Variants in CTNND2 observed in about 807,000 individuals in gnomAD.
CTNND2 encodes the protein catenin delta-2.
In CTNND2, 22 loss-of-function variants were observed where a neutral mutation model predicts 144.4. That is an observed-to-expected ratio of 0.15 (90% CI 0.11 to 0.22). CTNND2 has a LOEUF of 0.22. CTNND2 is among the 10% of genes least tolerant of loss of function. CTNND2 has a pLI of 1.00. For synonymous variants in CTNND2, 751 were observed against 695.6 expected (o/e 1.08, Z -1.25); for missense variants, 1,353 against 1,618.8 (o/e 0.84, Z 2.82).
intron 2 of CTNND2, among the ~76,000 whole-genome samples, chr5:11,652,210 G>A (rs181007650): frequency 7.9e-5 from 12 of 152,268 alleles, no homozygotes; most frequent in South Asian, 4.1e-4. Flanking sequence ...GAGTTATCAC[G>A]AGATCTGGTT....
chr5:11,198,953 C>T (rs1264791693), intron 11 of CTNND2, among the ~76,000 whole-genome samples: 1 of 152,182 alleles, frequency 6.6e-6, no homozygotes, highest in African/African-American at 2.4e-5. Flanking sequence ...CATGAAAAAG[C>T]TTTAATGTTC....
At chr5:11,879,914 G>A (rs975557225) in intron 1 of CTNND2, among the ~76,000 whole-genome samples, 3 of 152,118 alleles carry the variant, frequency 2.0e-5, no homozygotes, top group East Asian at 1.9e-4. Flanking sequence ...TCGGCCTGAC[G>A]AAATAGGGAC....
intron 3 of CTNND2, among the ~76,000 whole-genome samples, chr5:11,534,527 C>A (rs925988473): frequency 4.6e-5 from 7 of 151,830 alleles, no homozygotes; most frequent in African/African-American, 1.7e-4. Context: ...ATCGCTTGAA[C>A]CCGGGAGGTG....
chr5:11,723,495 C>T (rs1786806874), intron 2 of CTNND2, among the ~76,000 whole-genome samples: 1 of 152,114 alleles, frequency 6.6e-6, no homozygotes, highest in Admixed American at 6.5e-5. Flanking sequence ...AGGGAAAAAG[C>T]ATATGATCAA....
chr5:11,119,432 A>G (rs908022884), intron 12 of CTNND2, among the ~76,000 whole-genome samples: 1 of 152,200 alleles, frequency 6.6e-6, no homozygotes, highest in Non-Finnish European at 1.5e-5. Context: ...GCAAATACTG[A>G]CAGCATTTTT....
chr5:11,629,478 T>C (rs1781315615), intron 2 of CTNND2, among the ~76,000 whole-genome samples: 1 of 152,080 alleles, frequency 6.6e-6, no homozygotes, highest in Admixed American at 6.6e-5. Context: ...AAAGAATGTA[T>C]TTCCACCCCC....
intron 1 of CTNND2, among the ~76,000 whole-genome samples, chr5:11,778,740 C>T (rs1790387634): frequency 6.6e-6 from 1 of 152,122 alleles, no homozygotes; most frequent in South Asian, 2.1e-4. Flanking sequence ...ACTGGAGAAA[C>T]ATTGAGGAAA....
At chr5:11,523,258 T>C (rs1369825524) in intron 3 of CTNND2, among the ~76,000 whole-genome samples, 1 of 152,202 alleles carries the variant, frequency 6.6e-6, no homozygotes, top group Admixed American at 6.6e-5. Context: ...AATAATGTTA[T>C]TTTGAAATAA....
At chr5:11,388,749 A>T (rs979505411) in intron 6 of CTNND2, among the ~76,000 whole-genome samples, 2 of 152,230 alleles carry the variant, frequency 1.3e-5, no homozygotes, top group African/African-American at 4.8e-5. Flanking sequence ...CCAGCTGCAC[A>T]ATCATAGGAC....
At chr5:11,628,330 CTCT>C (rs1781259127) in intron 2 of CTNND2, among the ~76,000 whole-genome samples, 1 of 152,150 alleles carries the variant, frequency 6.6e-6, no homozygotes, top group African/African-American at 2.4e-5. Context: ...GTTCACTAAG[CTCT>C]TCTTCTGCAT....
At chr5:11,315,952 T>C (rs1166218146) in intron 9 of CTNND2, among the ~76,000 whole-genome samples, 1 of 152,204 alleles carries the variant, frequency 6.6e-6, no homozygotes, top group East Asian at 1.9e-4. Flanking sequence ...GGACAACTTT[T>C]GGCCATTACC....
intron 2 of CTNND2, among the ~76,000 whole-genome samples, chr5:11,588,025 A>G (rs142638262): frequency 1.6e-3 from 240 of 152,264 alleles, no homozygotes; most frequent in African/African-American, 5.4e-3. Flanking sequence ...CAATCTTGAA[A>G]CACTTGGTAA....
At chr5:11,571,465 G>A (rs1777546569) in intron 2 of CTNND2, among the ~76,000 whole-genome samples, 1 of 152,120 alleles carries the variant, frequency 6.6e-6, no homozygotes, top group South Asian at 2.1e-4. Flanking sequence ...TCAAAATTTA[G>A]CAAGTAAAAC....
intron 3 of CTNND2, among the ~76,000 whole-genome samples, chr5:11,509,302 A>C (rs1315616921): frequency 6.6e-6 from 1 of 152,230 alleles, no homozygotes; most frequent in Admixed American, 6.5e-5. Context: ...AGACTTATAA[A>C]AGGTGCCTAT....
chr5:11,884,092 G>A (rs1184375856), intron 1 of CTNND2, among the ~76,000 whole-genome samples: 3 of 152,048 alleles, frequency 2.0e-5, no homozygotes, highest in African/African-American at 4.8e-5. Context: ...TGTCAGATGG[G>A]TAGATTGCAA....
chr5:11,754,648 T>C (rs1213433506), intron 1 of CTNND2, among the ~76,000 whole-genome samples: 2 of 151,906 alleles, frequency 1.3e-5, no homozygotes, highest in South Asian at 4.1e-4. Flanking sequence ...CTGTCTTGGG[T>C]GCATATACAT....
intron 10 of CTNND2, among the ~76,000 whole-genome samples, chr5:11,232,011 C>T (rs1243898021): frequency 6.6e-6 from 1 of 152,192 alleles, no homozygotes; most frequent in Non-Finnish European, 1.5e-5. Flanking sequence ...GGGTGTGAGC[C>T]CCAAGCCTTG....
intron 2 of CTNND2, among the ~76,000 whole-genome samples, chr5:11,588,058 G>A (rs902214475): frequency 2.0e-5 from 3 of 152,110 alleles, no homozygotes; most frequent in African/African-American, 7.2e-5. Flanking sequence ...ATTAAGGGGT[G>A]TGTGCATCTT....
intron 9 of CTNND2, among the ~76,000 whole-genome samples, chr5:11,323,768 G>A (rs973450719): frequency 6.6e-6 from 1 of 152,180 alleles, no homozygotes; most frequent in Non-Finnish European, 1.5e-5. Context: ...TATCTACTAG[G>A]TGTAAATATG....
Sources: gnomAD v4.1 joint callset for allele counts (sites outside exome capture counted in the v4.1 genomes callset) on GRCh38, gnomAD v4.1.1 for gene constraint, MANE v1.5 for transcripts, NCBI Gene and HGNC (gene_info 2026-07-23, HGNC 2026-07-21) for gene names.